KCNIP4: variants seen among roughly 807,000 people sequenced by gnomAD.
KCNIP4 encodes the protein potassium voltage-gated channel interacting protein 4.
A neutral mutation model predicts 34.0 loss-of-function variants in KCNIP4; 12 were observed. The ratio of observed to expected loss-of-function variants is 0.35; its 90% CI spans 0.23 to 0.57. The LOEUF is 0.57. Ranked by LOEUF, KCNIP4 falls within the 20% of genes least tolerant of loss-of-function variation. KCNIP4 has a pLI of 0.83. For synonymous variants in KCNIP4, 124 were observed against 102.2 expected (o/e 1.21, Z -1.29); for missense variants, 238 against 311.7 (o/e 0.76, Z 1.78).
chr4:20,738,212 G>C (rs1750168730), intron 5 of KCNIP4, among the ~76,000 whole-genome samples: 1 of 152,068 alleles, frequency 6.6e-6, no homozygotes, highest in African/African-American at 2.4e-5. Context: ...AAGGAAGATT[G>C]CTGAGCAGTT....
chr4:20,934,897 C>T (rs923851494), intron 1 of KCNIP4, among the ~76,000 whole-genome samples: 1 of 152,178 alleles, frequency 6.6e-6, no homozygotes, highest in Non-Finnish European at 1.5e-5. Context: ...TCAGCAGGGA[C>T]GTACTTCCTT....
chr4:20,927,667 G>T (rs1006456085), intron 1 of KCNIP4, among the ~76,000 whole-genome samples: 2 of 152,026 alleles, frequency 1.3e-5, no homozygotes, highest in Non-Finnish European at 2.9e-5. Context: ...TTTCTTGCTA[G>T]AATTTTAAAT....
chr4:21,462,202 C>G (rs1369731868), intron 1 of KCNIP4, among the ~76,000 whole-genome samples: 1 of 152,024 alleles, frequency 6.6e-6, no homozygotes, highest in Non-Finnish European at 1.5e-5. Context: ...TTCCCCTTCC[C>G]CCATGTATTT....
chr4:21,625,135 G>T (rs1209422040), intron 1 of KCNIP4, among the ~76,000 whole-genome samples: 1 of 151,818 alleles, frequency 6.6e-6, no homozygotes, highest in Non-Finnish European at 1.5e-5. Flanking sequence ...GTCCTCCTTT[G>T]CTGAGCACTA....
At chr4:21,200,735 A>G (rs924078325) in intron 1 of KCNIP4, among the ~76,000 whole-genome samples, 88 of 152,076 alleles carry the variant, frequency 5.8e-4, no homozygotes, top group African/African-American at 2.0e-3. Context: ...AGACTTCACC[A>G]CAATACAATT....
chr4:21,218,365 AT>A (rs1484755013), intron 1 of KCNIP4, among the ~76,000 whole-genome samples: 2 of 152,072 alleles, frequency 1.3e-5, no homozygotes, highest in Non-Finnish European at 2.9e-5. Flanking sequence ...ACCTGAAATT[AT>A]GTACACCATA....
chr4:20,871,332 G>A (rs1723435371), intron 2 of KCNIP4, among the ~76,000 whole-genome samples: 1 of 152,054 alleles, frequency 6.6e-6, no homozygotes, highest in Non-Finnish European at 1.5e-5. Flanking sequence ...TCTGGCTGAA[G>A]ATGTGAATAT....
intron 1 of KCNIP4, among the ~76,000 whole-genome samples, chr4:21,375,343 C>G (rs1007475037): frequency 2.0e-4 from 30 of 152,266 alleles, no homozygotes; most frequent in African/African-American, 6.7e-4. Flanking sequence ...ATAGCAGACT[C>G]ACTTCCCAGT....
chr4:21,939,517 T>A (rs1334816973), intron 1 of KCNIP4, among the ~76,000 whole-genome samples: 3 of 152,148 alleles, frequency 2.0e-5, no homozygotes, highest in Admixed American at 1.3e-4. Context: ...TTTTTCCATG[T>A]TTCTCAATGC....
intron 1 of KCNIP4, among the ~76,000 whole-genome samples, chr4:21,782,534 A>AT (rs528090739): frequency 3.9e-5 from 6 of 151,996 alleles, no homozygotes; most frequent in African/African-American, 1.2e-4. Context: ...TTTCTACAAA[A>AT]TTTTTTTTAA....
chr4:20,903,346 A>G (rs1201660297), intron 1 of KCNIP4, among the ~76,000 whole-genome samples: 1 of 152,128 alleles, frequency 6.6e-6, no homozygotes, highest in African/African-American at 2.4e-5. Flanking sequence ...CACTTTGGTC[A>G]TATATTACTG....
At chr4:21,056,624 A>G (rs1743430683) in intron 1 of KCNIP4, among the ~76,000 whole-genome samples, 1 of 152,168 alleles carries the variant, frequency 6.6e-6, no homozygotes, top group South Asian at 2.1e-4. Context: ...TAGACCACAG[A>G]GCAAGACTCT....
chr4:20,912,816 T>C (rs1560565201), intron 1 of KCNIP4, among the ~76,000 whole-genome samples: 1 of 152,072 alleles, frequency 6.6e-6, no homozygotes, highest in Non-Finnish European at 1.5e-5. Flanking sequence ...AAAATTGAAA[T>C]CAAAATCACA....
In KCNIP4 at chr4:21,159,444, C is replaced by T. The variant is rs542689146; in HGVS notation, c.62-276735G>A. On this transcript the variant is annotated intron_variant, in intron 1 of 8. Transcript: ENST00000382152. ...AACAGCTCCGGTCTACAGCTCCCAG[C>T]GTGAGCGACGCAGAAGACGGTGATT... is the stretch of plus-strand genomic sequence containing the variant. Among the ~76,000 whole-genome samples, 2 of 19,764 alleles carry T rather than the reference C, an allele frequency of 1.0e-4. 1 individual carries two copies. Among genetic ancestry groups the T allele is most frequent in the Non-Finnish European group, 2.1e-4 (2 of 9,596 alleles). The allele number at this position is 19,764 out of a possible 152,430, so 13.0% of individuals were successfully genotyped here.
intron 1 of KCNIP4, among the ~76,000 whole-genome samples, chr4:21,880,835 C>T (rs1726418182): frequency 6.6e-6 from 1 of 152,140 alleles, no homozygotes; most frequent in African/African-American, 2.4e-5. Flanking sequence ...TCCAGGAATG[C>T]TAACAATGTA....
chr4:21,185,315 T>C (rs1755132624), intron 1 of KCNIP4, among the ~76,000 whole-genome samples: 1 of 152,056 alleles, frequency 6.6e-6, no homozygotes, highest in South Asian at 2.1e-4. Flanking sequence ...AGAAATTTAC[T>C]TGGAATTTCG....
chr4:21,031,990 T>G (rs958227380), intron 1 of KCNIP4, among the ~76,000 whole-genome samples: 4 of 152,090 alleles, frequency 2.6e-5, no homozygotes, highest in African/African-American at 9.7e-5. Context: ...CCAATGAAAT[T>G]ATTTATGTCA....
At chr4:20,959,898 T>C (rs1733684657) in intron 1 of KCNIP4, among the ~76,000 whole-genome samples, 2 of 152,224 alleles carry the variant, frequency 1.3e-5, no homozygotes. Context: ...CTTTGAATTA[T>C]TGTAAGGATT....
intron 1 of KCNIP4, among the ~76,000 whole-genome samples, chr4:20,963,893 G>A (rs1051914562): frequency 6.6e-6 from 1 of 151,654 alleles, no homozygotes; most frequent in African/African-American, 2.4e-5. Context: ...ATTTCATCAA[G>A]GTAAAATATA....
Sources: allele counts gnomAD v4.1 joint callset (sites outside exome capture counted in the v4.1 genomes callset), GRCh38; gene constraint gnomAD v4.1.1; transcripts MANE v1.5; gene names NCBI Gene and HGNC (gene_info 2026-07-23, HGNC 2026-07-21).